Variants in COL23A1 observed in about 807,000 individuals in gnomAD.
The protein encoded by COL23A1 is collagen type XXIII alpha 1 chain.
In COL23A1, 97 loss-of-function variants were observed where a neutral mutation model predicts 99.3. The ratio of observed to expected loss-of-function variants is 0.98; its 90% CI spans 0.83 to 1.16. The LOEUF (loss-of-function observed/expected upper bound fraction) is 1.16. Among genes scored for constraint, COL23A1 ranks in the 50% most tolerant of loss-of-function variants. The pLI, the probability that COL23A1 is intolerant of heterozygous loss-of-function variation, is 0.00. For synonymous variants in COL23A1, 320 were observed against 308.2 expected (o/e 1.04, Z -0.40); for missense variants, 762 against 757.4 (o/e 1.01, Z -0.07).
chr5:178,577,166 CG>C (rs1192842460), intron 1 of COL23A1, among the ~76,000 whole-genome samples: 2 of 152,182 alleles, frequency 1.3e-5, no homozygotes, highest in Non-Finnish European at 2.9e-5. Flanking sequence ...CTCTGCCGTC[CG>C]GGGATCCCGC....
chr5:178,404,580 C>G (rs1031440214), intron 2 of COL23A1, among the ~76,000 whole-genome samples: 2 of 63,672 alleles, frequency 3.1e-5, no homozygotes, highest in Non-Finnish European at 4.4e-5. Context: ...CTGGCCCAGC[C>G]CCTCCATTGG....
chr5:178,581,427 A>G (rs902020196), intron 1 of COL23A1, among the ~76,000 whole-genome samples: 1 of 151,902 alleles, frequency 6.6e-6, no homozygotes, highest in African/African-American at 2.4e-5. Context: ...TTAGCCAGGC[A>G]TGGTGGCACA....
At chr5:178,547,628 CCACACCCCCCCACA>C (rs1761703679) in intron 2 of COL23A1, among the ~76,000 whole-genome samples, 1 of 5,318 alleles carries the variant, frequency 1.9e-4, no homozygotes, top group Non-Finnish European at 4.5e-4. Context: ...ACACACCCAC[CCACACCCCCCCACA>C]CACACACACC....
intron 2 of COL23A1, among the ~76,000 whole-genome samples, chr5:178,524,060 C>A (rs1190306161): frequency 6.6e-6 from 1 of 152,212 alleles, no homozygotes; most frequent in Non-Finnish European, 1.5e-5. Context: ...TCTGGTGTAT[C>A]AGCCAGGACC....
At position 178,239,150 on chromosome 5, in the gene COL23A1, G is replaced by A. The variant is rs1474707065; in HGVS notation, c.1611C>T (p.Cys537=). The A allele has an allele frequency of 2.5e-6, 4 of 1,613,832 alleles. No individual in the cohort carries two copies. Among genetic ancestry groups the A allele is most frequent in the Admixed American group, 1.7e-5 (1 of 60,002 alleles). The change falls in exon 28 of 29, where the codon TGC becomes TGT. Residue 537 remains cysteine, a synonymous_variant. Transcript: ENST00000390654. ...CTTCCCTGCACGGTACCTTATGCCA[G>A]CAGCCAGGCACAGGCAGCCCGTCGG... ...VGPDGLPVPG[C]WHK is the part of the protein sequence containing the mutation.
chr5:178,429,246 C>T (rs899434877), intron 2 of COL23A1, among the ~76,000 whole-genome samples: 2 of 152,104 alleles, frequency 1.3e-5, no homozygotes, highest in Non-Finnish European at 2.9e-5. Context: ...AGAGCTGGGG[C>T]GCCACCAGGC....
At chr5:178,421,576 A>C (rs2087891093) in intron 2 of COL23A1, among the ~76,000 whole-genome samples, 1 of 152,220 alleles carries the variant, frequency 6.6e-6, no homozygotes. Context: ...CTCCATTAAC[A>C]GAGCAGACAG....
chr5:178,543,541 G>A (rs1230657327), intron 2 of COL23A1, among the ~76,000 whole-genome samples: 1 of 152,162 alleles, frequency 6.6e-6, no homozygotes, highest in Admixed American at 6.6e-5. Context: ...ACTCCTAATA[G>A]TCCTAAACAA....
rs185622796 is a variant in COL23A1, at chr5:178,340,170, G to A, written c.362-33251C>T. Among the ~76,000 whole-genome samples the A allele has an allele frequency of 2.6e-5, 4 of 152,266 alleles. No homozygotes were observed. The highest frequency in any genetic ancestry group is 1.9e-4 in the East Asian group (1 of 5,180). On this transcript the variant is annotated intron_variant, in intron 2 of 28. Coordinates refer to ENST00000390654, the MANE Select transcript of COL23A1 (RefSeq NM_173465.4). The surrounding 1 kb of genome is among the most constrained non-coding windows in gnomAD (Gnocchi z 4.7). ...GGGCATCATACTCCCTCCTCACAGCGTTCTCATGAGGAATGCACCTATGAA... is the reference window on the plus strand; with the variant it reads ...GGGCATCATACTCCCTCCTCACAGCATTCTCATGAGGAATGCACCTATGAA...
chr5:178,342,606 C>T (rs1223650854), intron 2 of COL23A1, among the ~76,000 whole-genome samples: 1 of 152,226 alleles, frequency 6.6e-6, no homozygotes, highest in African/African-American at 2.4e-5. Flanking sequence ...TTTGGCTGTG[C>T]AGCAGTGGCT....
chr5:178,519,473 A>C (rs552778472), intron 2 of COL23A1, among the ~76,000 whole-genome samples: 27 of 152,340 alleles, frequency 1.8e-4, no homozygotes, highest in Non-Finnish European at 1.2e-4. Flanking sequence ...CGCCCTGCAC[A>C]ATGCCACACA....
intron 2 of COL23A1, among the ~76,000 whole-genome samples, chr5:178,430,361 G>A (rs990125790): frequency 6.6e-6 from 1 of 152,156 alleles, no homozygotes; most frequent in African/African-American, 2.4e-5. Flanking sequence ...AACGGGTTCC[G>A]ATTTCCTAAG....
chr5:178,307,001 C>G lies in COL23A1; in HGVS notation c.362-82G>C, dbSNP rs1178716294. On this transcript the variant is annotated intron_variant, in intron 2 of 28. Transcript: ENST00000390654. The surrounding 1 kb of genome is among the most constrained non-coding windows in gnomAD (Gnocchi z 4.2). ...CGTGGGGCATGCCCCAGCCACCCAC[C>G]TGTCCGCTCGCAACAGCTTTCTGGG... 1 of 1,074,266 alleles carries G rather than the reference C, an allele frequency of 9.3e-7. No homozygotes were observed. Among genetic ancestry groups the G allele is most frequent in the Non-Finnish European group, 1.3e-6 (1 of 784,534 alleles). The allele number at this position is 1,074,266 out of a possible 1,614,324, so 66.5% of individuals were successfully genotyped here.
intron 2 of COL23A1, among the ~76,000 whole-genome samples, chr5:178,477,697 T>C (rs750740136): frequency 1.3e-5 from 2 of 152,200 alleles, no homozygotes; most frequent in African/African-American, 2.4e-5. Flanking sequence ...AAAACATGTA[T>C]GTGTGCAACT....
intron 2 of COL23A1, among the ~76,000 whole-genome samples, chr5:178,455,068 T>A (rs566904854): frequency 6.6e-6 from 1 of 152,344 alleles, no homozygotes; most frequent in South Asian, 2.1e-4. Flanking sequence ...CGCAGTCTTG[T>A]CAGGTTGGAT....
rs549469003 is a variant in COL23A1, at chr5:178,579,833, G to A, written c.294+10071C>T. 5.8e-4 allele frequency among the ~76,000 whole-genome samples: 89 copies of A among 152,314 alleles called. 1 individual carries two copies. Among genetic ancestry groups the A allele is most frequent in the African/African-American group, 2.0e-3 (84 of 41,570 alleles). On this transcript the variant is annotated intron_variant, in intron 1 of 28. Transcript: ENST00000390654. ...GATGTCCACACTCGCAGAAAAAGCT[G>A]CTGCTCAAAGCCAAATCATTGTTTC...
rs1218026962 is a variant in COL23A1 at position 178,258,911 on chromosome 5, G to GTA, written c.729+809_729+810insTA. On this transcript the variant is annotated intron_variant, in intron 12 of 28. Coordinates refer to ENST00000390654, the MANE Select transcript of COL23A1 (RefSeq NM_173465.4). ...AGGTCTTGGTGTATTGTCCAGGGTG[G>GTA]TCTTTTTTTTTTTTTTTTTTTGAGA... Among the ~76,000 whole-genome samples the GTA allele has an allele frequency of 1.1e-4, 16 of 142,186 alleles. No homozygotes were observed. In the East Asian group the frequency reaches 1.3e-3, roughly 12 times the overall value. 93.3% of individuals were successfully genotyped at this position (142,186 alleles called of 152,430 possible). A position where few individuals can be genotyped will look rare whatever the true frequency, so the allele number is the denominator to read the frequency against.
intron 2 of COL23A1, among the ~76,000 whole-genome samples, chr5:178,446,944 T>C (rs570818193): frequency 1.3e-5 from 2 of 152,304 alleles, no homozygotes; most frequent in Admixed American, 6.5e-5. Flanking sequence ...TAAACTCTAA[T>C]TATGAGAATA....
chr5:178,263,223 T>A lies in COL23A1; in HGVS notation c.624A>T (p.Gly208=). ...CCTCTCTTACCGCTGGGCCTTGTGC[T>A]CCCCTGGGGCCATCTTTCCCAGTGT... ...PGDTGKDGPR[G]AQGPAGPKGE... Residue 208 remains glycine, a synonymous_variant, in exon 9 of 29, where the codon GGA becomes GGT. Transcript: ENST00000390654. The A allele has an allele frequency of 6.2e-7, 1 of 1,613,488 alleles. No individual in the cohort carries two copies. The highest frequency in any genetic ancestry group is 8.5e-7 in the Non-Finnish European group (1 of 1,179,626).
Sources: gnomAD v4.1 joint callset for allele counts (sites outside exome capture counted in the v4.1 genomes callset) on GRCh38, gnomAD v4.1.1 for gene constraint, Gnocchi (gnomAD v3.1) non-coding constraint, MANE v1.5 for transcripts, NCBI Gene and HGNC (gene_info 2026-07-23, HGNC 2026-07-21) for gene names.